The following ABTB2 variants were observed in gnomAD, a reference collection of about 807,000 sequenced individuals.
ABTB2 encodes the protein ankyrin repeat and BTB/POZ domain-containing protein 2.
A neutral mutation model predicts 104.1 loss-of-function variants in ABTB2; 56 were observed. That is an observed-to-expected ratio of 0.54 (90% CI 0.43 to 0.67). ABTB2 has a LOEUF of 0.67. Among genes scored for constraint, ABTB2 ranks in the 30% least tolerant of loss-of-function variants. The probability of loss-of-function intolerance (pLI) is 0.00; values close to 1 mark genes in which losing one functional copy is unlikely to be tolerated. For synonymous variants in ABTB2, 606 were observed against 608.2 expected, an observed-to-expected ratio of 1.00 and a Z score of 0.05; for missense variants, 1,279 against 1,407.7, an observed-to-expected ratio of 0.91 and a Z score of 1.46.
intron 3 of ABTB2, chr11:34,189,167 A>C (rs1439450707): frequency 6.6e-6 from 1 of 152,258 alleles, no homozygotes; most frequent in African/African-American, 2.4e-5. Flanking sequence ...TGACTTAAAA[A>C]ACCAACTGCT....
intron 3 of ABTB2, among the ~76,000 whole-genome samples, chr11:34,174,150 C>T (rs1159362100): frequency 6.6e-6 from 1 of 152,014 alleles, no homozygotes; most frequent in Non-Finnish European, 1.5e-5. Context: ...CCGGCTAACA[C>T]AGTCTCTGTT....
At chr11:34,169,272 C>CAT (rs1196394090) in intron 5 of ABTB2, among the ~76,000 whole-genome samples, 1 of 152,180 alleles carries the variant, frequency 6.6e-6, no homozygotes, top group Non-Finnish European at 1.5e-5. Flanking sequence ...GCACTCCAGA[C>CAT]ATATAAAGAG....
At chr11:34,332,347 A>G (rs905316046) in intron 1 of ABTB2, among the ~76,000 whole-genome samples, 17 of 152,118 alleles carry the variant, frequency 1.1e-4, no homozygotes, top group Admixed American at 7.2e-4. Flanking sequence ...CTCCATGAAG[A>G]CCTACCTTAA....
At chr11:34,164,884 G>C in intron 8 of ABTB2, 63 bp from the exon 9 acceptor site, 1 of 1,548,146 alleles carries the variant, frequency 6.5e-7, no homozygotes, top group South Asian at 1.2e-5. Context: ...CAGCTGAGGC[G>C]AAAGGGAAGG....
rs575748717 is a variant in ABTB2 at position 34,188,460 on chromosome 11, A to C, written c.1244+8865T>G. On this transcript the variant is annotated intron_variant, in intron 3 of 16. Transcript: ENST00000435224. Reference sequence around the variant, plus strand: ...AGTGAGGGAGGTTCCTGGCAGTGGAAAGGAAGCTCCCTGTGTGCACCGTAG... The same window carrying C: ...AGTGAGGGAGGTTCCTGGCAGTGGACAGGAAGCTCCCTGTGTGCACCGTAG... 2.0e-5 allele frequency among the ~76,000 whole-genome samples: 3 copies of C among 152,328 alleles called. No individual in the cohort carries two copies. In the East Asian group the frequency reaches 5.8e-4, roughly 29 times the overall value.
intron 1 of ABTB2, among the ~76,000 whole-genome samples, chr11:34,341,102 A>G (rs1855256885): frequency 6.6e-6 from 1 of 152,210 alleles, no homozygotes; most frequent in South Asian, 2.1e-4. Flanking sequence ...AAACATTGTA[A>G]CACATCTAAG....
At chr11:34,159,449 T>C (rs1852676641) in intron 13 of ABTB2, 63 bp from the exon 14 acceptor site, 1 of 1,051,640 alleles carries the variant, frequency 9.5e-7, no homozygotes, top group Non-Finnish European at 1.5e-6. Context: ...TGTGTGGCGA[T>C]GGCACCATCT....
intron 1 of ABTB2, among the ~76,000 whole-genome samples, chr11:34,249,171 G>C (rs1236274301): frequency 6.6e-6 from 1 of 152,208 alleles, no homozygotes; most frequent in Admixed American, 6.5e-5. Context: ...ACATGAATTT[G>C]CAAGTGGTCA....
At chr11:34,290,227 A>T (rs1373272506) in intron 1 of ABTB2, among the ~76,000 whole-genome samples, 1 of 152,222 alleles carries the variant, frequency 6.6e-6, no homozygotes, top group Non-Finnish European at 1.5e-5. Flanking sequence ...CATTTGTATC[A>T]AAGTAGCTAT....
At chr11:34,189,534 G>A (rs1171594893) in intron 3 of ABTB2, among the ~76,000 whole-genome samples, 2 of 152,180 alleles carry the variant, frequency 1.3e-5, no homozygotes, top group South Asian at 2.1e-4. Flanking sequence ...CCAGGAGGTC[G>A]ACGTTGCAGT....
rs529693430 is a variant in ABTB2 at position 34,160,640 on chromosome 11, G to A, written c.2397+263C>T. ...GTGTGTTGGGTGGGGGGGTTCCTGG[G>A]TGCTGGGGGCGAGCGTGCACGCGCG... On this transcript the variant is annotated intron_variant, in intron 11 of 16. Transcript: ENST00000435224. Among the ~76,000 whole-genome samples, 4 of 140,656 alleles carry A rather than the reference G, an allele frequency of 2.8e-5. No individual in the cohort carries two copies. The South Asian group carries it at 9.3e-4, about 33-fold the overall frequency. The allele number at this position is 140,656 out of a possible 152,430, so 92.3% of individuals were successfully genotyped here. A position where few individuals can be genotyped will look rare whatever the true frequency, so the allele number is the denominator to read the frequency against.
chr11:34,226,580 A>T (rs1853689568), intron 1 of ABTB2, among the ~76,000 whole-genome samples: 1 of 152,244 alleles, frequency 6.6e-6, no homozygotes, highest in Non-Finnish European at 1.5e-5. Context: ...CATGCTCCTC[A>T]CAACTCCAGT....
intron 1 of ABTB2, among the ~76,000 whole-genome samples, chr11:34,332,707 T>C (rs1481326951): frequency 6.6e-6 from 1 of 151,956 alleles, no homozygotes; most frequent in Non-Finnish European, 1.5e-5. Flanking sequence ...CCTCTGTTGA[T>C]TTTGCTAATA....
At chr11:34,298,878 A>T (rs1187370004) in intron 1 of ABTB2, among the ~76,000 whole-genome samples, 3 of 152,222 alleles carry the variant, frequency 2.0e-5, no homozygotes, top group Non-Finnish European at 4.4e-5. Context: ...GGGCCTGCAT[A>T]GATGTTTAAA....
At chr11:34,276,812 T>C (rs772648368) in intron 1 of ABTB2, among the ~76,000 whole-genome samples, 3 of 152,170 alleles carry the variant, frequency 2.0e-5, no homozygotes, top group Non-Finnish European at 2.9e-5. Context: ...CGTGACCTAA[T>C]AACCTCTCAG....
chr11:34,162,958 G>T (rs1342396182), intron 9 of ABTB2, among the ~76,000 whole-genome samples, 153 bp from the exon 10 acceptor site: 3 of 152,146 alleles, frequency 2.0e-5, no homozygotes, highest in Non-Finnish European at 2.9e-5. Context: ...GCAGGCCAGG[G>T]GTCCCAGGGT....
chr11:34,249,718 T>C (rs11032578), intron 1 of ABTB2, among the ~76,000 whole-genome samples: 51,505 of 152,090 alleles, frequency 0.34, 9,819 homozygotes, highest in African/African-American at 0.52. Context: ...AATCACAGCT[T>C]ACTGCAGCCT....
chr11:34,203,569 C>A (rs547190299), intron 2 of ABTB2, among the ~76,000 whole-genome samples: 1 of 152,328 alleles, frequency 6.6e-6, no homozygotes, highest in South Asian at 2.1e-4. Context: ...CCTGGCCCTG[C>A]CTACTGTAAT....
At chr11:34,302,316 C>T (rs1854716760) in intron 1 of ABTB2, among the ~76,000 whole-genome samples, 1 of 152,186 alleles carries the variant, frequency 6.6e-6, no homozygotes, top group Non-Finnish European at 1.5e-5. Flanking sequence ...ATTTATTTAA[C>T]CATTCTCAGA....
Sources: allele counts gnomAD v4.1 joint callset (sites outside exome capture counted in the v4.1 genomes callset), GRCh38; gene constraint gnomAD v4.1.1; transcripts MANE v1.5; gene names NCBI Gene and HGNC (gene_info 2026-07-23, HGNC 2026-07-21).